Variants in CHCHD3 observed in about 807,000 individuals in gnomAD.
CHCHD3 encodes the protein MICOS complex subunit MIC19.
Under a neutral mutation model 38.2 loss-of-function variants are expected in CHCHD3, and 20 were observed. The observed-to-expected ratio is 0.52, with a 90% CI of 0.37 to 0.76. The LOEUF is 0.76. Ranked by LOEUF, CHCHD3 falls within the 30% of genes least tolerant of loss-of-function variation. The probability of loss-of-function intolerance (pLI) is 0.00; values close to 1 mark genes in which losing one functional copy is unlikely to be tolerated. For synonymous variants in CHCHD3, 82 were observed against 100.0 expected (o/e 0.82, Z 1.07); for missense variants, 245 against 279.2 (o/e 0.88, Z 0.87).
At chr7:132,892,855 A>G (rs570185853) in intron 4 of CHCHD3, among the ~76,000 whole-genome samples, 1 of 152,330 alleles carries the variant, frequency 6.6e-6, no homozygotes, top group Admixed American at 6.5e-5. Context: ...TCAAGAATTG[A>G]GGTTTGCGAA....
At chr7:133,009,578 C>T (rs1175570743) in intron 3 of CHCHD3, among the ~76,000 whole-genome samples, 1 of 151,444 alleles carries the variant, frequency 6.6e-6, no homozygotes, top group Non-Finnish European at 1.5e-5. Context: ...GGAAAGAATG[C>T]AATGTTTCAA....
chr7:132,899,230 G>A (rs13307221), intron 4 of CHCHD3, among the ~76,000 whole-genome samples: 4 of 152,192 alleles, frequency 2.6e-5, no homozygotes, highest in Non-Finnish European at 5.9e-5. Flanking sequence ...GTGGAGGAGA[G>A]AAGGAGCAGA....
At chr7:132,866,423 C>T (rs773482397) in intron 5 of CHCHD3, among the ~76,000 whole-genome samples, 13 of 152,212 alleles carry the variant, frequency 8.5e-5, no homozygotes, top group Admixed American at 2.0e-4. Context: ...AGTAACTCAG[C>T]ATTGCAGTGC....
chr7:133,034,961 G>T (rs577632011), intron 2 of CHCHD3: 23 of 1,601,084 alleles, frequency 1.4e-5, no homozygotes, highest in Non-Finnish European at 2.0e-5. Context: ...AGTACCACAG[G>T]GACCAGCCGT....
At chr7:132,942,545 T>C (rs550883385) in intron 4 of CHCHD3, among the ~76,000 whole-genome samples, 1 of 152,312 alleles carries the variant, frequency 6.6e-6, no homozygotes, top group East Asian at 1.9e-4. Flanking sequence ...GAACCCACTG[T>C]AATTTTACAT....
chr7:133,001,431 C>T (rs1023295695), intron 3 of CHCHD3, among the ~76,000 whole-genome samples: 1 of 152,090 alleles, frequency 6.6e-6, no homozygotes, highest in Non-Finnish European at 1.5e-5. Context: ...AGCAAAAAAG[C>T]AATATACAAC....
chr7:132,900,115 G>C (rs935299230), intron 4 of CHCHD3, among the ~76,000 whole-genome samples: 1 of 144,224 alleles, frequency 6.9e-6, no homozygotes, highest in Non-Finnish European at 1.5e-5. Context: ...CTAAGCCTTA[G>C]CAATATTCGC....
At chr7:133,076,431 A>G (rs1444354943) in intron 1 of CHCHD3, among the ~76,000 whole-genome samples, 1 of 152,174 alleles carries the variant, frequency 6.6e-6, no homozygotes, top group East Asian at 1.9e-4. Flanking sequence ...CCACCATTCT[A>G]ATATAAGGGG....
intron 4 of CHCHD3, among the ~76,000 whole-genome samples, chr7:132,939,714 T>C (rs1007719240): frequency 2.0e-5 from 3 of 152,164 alleles, no homozygotes; most frequent in Non-Finnish European, 4.4e-5. Context: ...AGAGGGTGTG[T>C]TCAAGTGTCA....
At chr7:132,971,493 C>T (rs1811611674) in intron 4 of CHCHD3, among the ~76,000 whole-genome samples, 1 of 152,108 alleles carries the variant, frequency 6.6e-6, no homozygotes, top group Non-Finnish European at 1.5e-5. Flanking sequence ...AACAACAGGG[C>T]CATCATGACT....
intron 4 of CHCHD3, among the ~76,000 whole-genome samples, chr7:132,916,256 A>G (rs1199274799): frequency 6.6e-6 from 1 of 152,204 alleles, no homozygotes; most frequent in Non-Finnish European, 1.5e-5. Flanking sequence ...GTCTACCATG[A>G]AAGTGCTCTT....
intron 5 of CHCHD3, among the ~76,000 whole-genome samples, chr7:132,846,434 G>A (rs1179676866): frequency 6.6e-6 from 1 of 152,200 alleles, no homozygotes; most frequent in Non-Finnish European, 1.5e-5. Context: ...TGAGTAAAAT[G>A]GTAGCTGTTT....
At chr7:132,947,798 T>C (rs528679989) in intron 4 of CHCHD3, among the ~76,000 whole-genome samples, 7 of 151,400 alleles carry the variant, frequency 4.6e-5, no homozygotes, top group African/African-American at 1.7e-4. Context: ...ACTCCAAATT[T>C]AAAAAAAAAT....
intron 3 of CHCHD3, among the ~76,000 whole-genome samples, chr7:132,997,776 G>A (rs764560398): frequency 6.7e-6 from 1 of 150,334 alleles, no homozygotes; most frequent in Non-Finnish European, 1.5e-5. Context: ...TACACTCTGC[G>A]AATATCAAAA....
At position 133,035,878 on chromosome 7, in the gene CHCHD3, C is replaced by T; in HGVS notation, c.170-11251G>A. On this transcript the variant is annotated intron_variant, in intron 2 of 7. Coordinates refer to ENST00000262570, the MANE Select transcript of CHCHD3 (RefSeq NM_017812.4). This position sits in a 1 kb window ranked among gnomAD's most constrained non-coding sequence, Gnocchi z 4.7. ...TGAGCAGCGATGAGAGCCTTGAAGGCCCTCCAGTTTTCAGGATACGTGTAC... is the reference window on the plus strand; with the variant it reads ...TGAGCAGCGATGAGAGCCTTGAAGGTCCTCCAGTTTTCAGGATACGTGTAC... 6.2e-7 allele frequency: 1 copy of T among 1,612,700 alleles called. No homozygotes were observed. Among genetic ancestry groups the T allele is most frequent in the East Asian group, 2.2e-5 (1 of 44,858 alleles).
intron 3 of CHCHD3, among the ~76,000 whole-genome samples, chr7:132,985,541 A>G (rs372701433): frequency 4.2e-4 from 21 of 50,372 alleles, no homozygotes; most frequent in East Asian, 9.1e-4. Flanking sequence ...CGCCCCGTCC[A>G]GGAGGGAGGT....
intron 4 of CHCHD3, among the ~76,000 whole-genome samples, chr7:132,912,915 T>C (rs1809993027): frequency 6.6e-6 from 1 of 152,332 alleles, no homozygotes; most frequent in East Asian, 1.9e-4. Context: ...AATGGTTTAA[T>C]ATGTAAAGTG....
intron 4 of CHCHD3, among the ~76,000 whole-genome samples, chr7:132,912,959 T>C (rs1338723580): frequency 9.2e-5 from 14 of 152,232 alleles, no homozygotes; most frequent in Non-Finnish European, 1.9e-4. Flanking sequence ...AAATAAAAAC[T>C]GTAACTGCCA....
At chr7:132,953,071 A>G (rs1811069406) in intron 4 of CHCHD3, among the ~76,000 whole-genome samples, 1 of 150,396 alleles carries the variant, frequency 6.6e-6, no homozygotes, top group South Asian at 2.1e-4. Context: ...TCCTTCATTT[A>G]TATGTAAAAG....
Sources: allele counts gnomAD v4.1 joint callset (sites outside exome capture counted in the v4.1 genomes callset), GRCh38; gene constraint gnomAD v4.1.1; non-coding constraint Gnocchi (gnomAD v3.1); transcripts MANE v1.5; gene names NCBI Gene and HGNC (gene_info 2026-07-23, HGNC 2026-07-21).